The following GRIK1 variants were observed in gnomAD, a reference collection of about 807,000 sequenced individuals.
GRIK1 encodes glutamate ionotropic receptor kainate type subunit 1, also known as glutamate receptor ionotropic, kainate 1.
GRIK1 carries 69 observed loss-of-function variants against 105.7 expected under a neutral mutation model. That is an observed-to-expected ratio of 0.65 (90% CI 0.54 to 0.80). The LOEUF (loss-of-function observed/expected upper bound fraction) is 0.80, where lower values mean the gene tolerates loss of function less well. Ranked by LOEUF, GRIK1 falls within the 30% of genes least tolerant of loss-of-function variation. The pLI, the probability that GRIK1 is intolerant of heterozygous loss-of-function variation, is 0.00. For synonymous variants in GRIK1, 438 were observed against 431.3 expected (o/e 1.02, Z -0.19); for missense variants, 1,109 against 1,167.3 (o/e 0.95, Z 0.73).
At chr21:29,635,809 AGAGAGAGCATGAGGTGTACTGCTG>A (rs1375515866) in intron 7 of GRIK1, among the ~76,000 whole-genome samples, 1 of 152,192 alleles carries the variant, frequency 6.6e-6, no homozygotes, top group African/African-American at 2.4e-5. Context: ...AGGCTTCAGC[AGAGAGAGCATGAGGTGTACTGCTG>A]GATGTCAAGA....
At chr21:29,916,707 C>G (rs534610378) in intron 1 of GRIK1, among the ~76,000 whole-genome samples, 1 of 151,426 alleles carries the variant, frequency 6.6e-6, no homozygotes, top group East Asian at 1.9e-4. Flanking sequence ...TGTAAGAACT[C>G]TGTCTCCACT....
rs1364986539 is a variant in GRIK1, at chr21:29,560,492, TTTCTTTCC to T, written c.2356+1124_2356+1131del. On this transcript the variant is annotated intron_variant, in intron 15 of 17. Coordinates refer to ENST00000327783, the MANE Select transcript of GRIK1 (RefSeq NM_001330994.2). ...TCCTTTCTCTCTCTCCCTTTCTTTCTTTCTTTCCTTCCTTCCTTCCTTCCTTCCTTTCT... is the reference window on the plus strand; with the variant it reads ...TCCTTTCTCTCTCTCCCTTTCTTTCTTTCCTTCCTTCCTTCCTTCCTTTCT... Among the ~76,000 whole-genome samples the T allele has an allele frequency of 5.0e-4, 23 of 45,982 alleles. 2 individuals are homozygous for T. The highest frequency in any genetic ancestry group is 2.6e-3 in the East Asian group (4 of 1,552). The allele number at this position is 45,982 out of a possible 152,430, so 30.2% of individuals were successfully genotyped here. A position where few individuals can be genotyped will look rare whatever the true frequency, so the allele number is the denominator to read the frequency against.
chr21:29,694,955 T>G (rs1408744347), intron 1 of GRIK1, among the ~76,000 whole-genome samples: 2 of 152,174 alleles, frequency 1.3e-5, no homozygotes, highest in Non-Finnish European at 2.9e-5. Flanking sequence ...AAGAACTGGT[T>G]TTTTTTCTTT....
intron 7 of GRIK1, among the ~76,000 whole-genome samples, chr21:29,614,023 T>C (rs1466538792): frequency 6.6e-6 from 1 of 152,118 alleles, no homozygotes; most frequent in Non-Finnish European, 1.5e-5. Context: ...ATTCTTGGGG[T>C]CACCATATCC....
chr21:29,745,588 C>A (rs2065030083), intron 1 of GRIK1, among the ~76,000 whole-genome samples: 1 of 152,182 alleles, frequency 6.6e-6, no homozygotes, highest in South Asian at 2.1e-4. Flanking sequence ...CTCTGATTCC[C>A]TCAATGAATA....
intron 16 of GRIK1, among the ~76,000 whole-genome samples, chr21:29,552,937 A>G (rs2090159222): frequency 6.6e-6 from 1 of 152,046 alleles, no homozygotes. Flanking sequence ...CAGAGGTTTC[A>G]AGTTTAGTTT....
chr21:29,601,428 A>G (rs1238521688), intron 7 of GRIK1, among the ~76,000 whole-genome samples: 2 of 152,134 alleles, frequency 1.3e-5, no homozygotes, highest in African/African-American at 2.4e-5. Context: ...TTGTATATAT[A>G]TCCTATTGTT....
At chr21:29,565,056 G>A (rs2090580516) in intron 14 of GRIK1, among the ~76,000 whole-genome samples, 1 of 152,206 alleles carries the variant, frequency 6.6e-6, no homozygotes, top group African/African-American at 2.4e-5. Context: ...TAGTTGGCAT[G>A]GACACCTTTG....
At chr21:29,728,133 G>T (rs1305151255) in intron 1 of GRIK1, among the ~76,000 whole-genome samples, 1 of 152,094 alleles carries the variant, frequency 6.6e-6, no homozygotes, top group East Asian at 1.9e-4. Context: ...AGCTACCCAG[G>T]TATTCCTTAG....
chr21:29,632,297 T>G (rs1240496138), intron 7 of GRIK1, among the ~76,000 whole-genome samples: 1 of 152,174 alleles, frequency 6.6e-6, no homozygotes, highest in Non-Finnish European at 1.5e-5. Context: ...GAGTGAGGAC[T>G]TTTCTTTGCT....
intron 1 of GRIK1, among the ~76,000 whole-genome samples, chr21:29,780,919 G>C (rs2145776634): frequency 6.6e-6 from 1 of 152,174 alleles, no homozygotes; most frequent in African/African-American, 2.4e-5. Flanking sequence ...TGCTATTCCT[G>C]GATGATTTAT....
At chr21:29,753,178 T>G (rs1442009860) in intron 1 of GRIK1, among the ~76,000 whole-genome samples, 1 of 152,246 alleles carries the variant, frequency 6.6e-6, no homozygotes, top group Non-Finnish European at 1.5e-5. Context: ...GTAATAACAA[T>G]TATTAATAGT....
At chr21:29,802,730 C>T (rs1229531664) in intron 1 of GRIK1, among the ~76,000 whole-genome samples, 1 of 152,182 alleles carries the variant, frequency 6.6e-6, no homozygotes, top group African/African-American at 2.4e-5. Context: ...CTTGACTATC[C>T]ATCATCTGCG....
intron 2 of GRIK1, among the ~76,000 whole-genome samples, chr21:29,690,252 T>G (rs566689752): frequency 2.6e-5 from 4 of 152,346 alleles, no homozygotes; most frequent in African/African-American, 9.6e-5. Flanking sequence ...GGTCTCACTT[T>G]ATTACCTTTA....
chr21:29,894,453 A>G (rs914516475), intron 1 of GRIK1, among the ~76,000 whole-genome samples: 1 of 152,152 alleles, frequency 6.6e-6, no homozygotes, highest in Non-Finnish European at 1.5e-5. Flanking sequence ...TGAAGGCCAG[A>G]AGACTCAGCA....
chr21:29,843,041 A>T (rs2068023362), intron 1 of GRIK1, among the ~76,000 whole-genome samples: 1 of 152,130 alleles, frequency 6.6e-6, no homozygotes, highest in Admixed American at 6.6e-5. Flanking sequence ...CTGTGTTCTC[A>T]GTTCTGAACT....
intron 1 of GRIK1, among the ~76,000 whole-genome samples, chr21:29,824,542 C>CA (rs2067394599): frequency 6.6e-6 from 1 of 151,876 alleles, no homozygotes; most frequent in African/African-American, 2.4e-5. Flanking sequence ...TCAGAAAAGG[C>CA]ATCTCTGGTC....
chr21:29,698,874 A>C (rs1394355284), intron 1 of GRIK1, among the ~76,000 whole-genome samples: 1 of 152,244 alleles, frequency 6.6e-6, no homozygotes, highest in African/African-American at 2.4e-5. Flanking sequence ...GCCATTTAAA[A>C]TGATAAGGGT....
intron 9 of GRIK1, chr21:29,596,276 A>G: frequency 1.6e-6 from 1 of 618,692 alleles, no homozygotes; most frequent in Non-Finnish European, 3.0e-6. Flanking sequence ...CCTGGGAGAA[A>G]CAAAAATAAT....
Sources: allele counts gnomAD v4.1 joint callset (sites outside exome capture counted in the v4.1 genomes callset), GRCh38; gene constraint gnomAD v4.1.1; transcripts MANE v1.5; gene names NCBI Gene and HGNC (gene_info 2026-07-23, HGNC 2026-07-21).